TYW1B: variants seen among roughly 807,000 people sequenced by gnomAD.
TYW1B encodes the protein tRNA-yW synthesizing protein 1 homolog B, also known as S-adenosyl-L-methionine-dependent tRNA 4-demethylwyosine synthase TYW1B.
TYW1B carries 73 observed loss-of-function variants against 86.9 expected under a neutral mutation model. The ratio of observed to expected loss-of-function variants is 0.84; its 90% CI spans 0.70 to 1.02. TYW1B has a LOEUF of 1.02. TYW1B is among the 50% of genes least tolerant of loss of function. The pLI is 0.00. For missense variants in TYW1B, 637 were observed against 827.4 expected, an observed-to-expected ratio of 0.77 and a Z score of 2.82; for synonymous variants, 248 against 292.8, an observed-to-expected ratio of 0.85 and a Z score of 1.56.
intron 11 of TYW1B, among the ~76,000 whole-genome samples, chr7:72,644,293 T>C (rs2063499620): frequency 6.6e-6 from 1 of 152,200 alleles, no homozygotes; most frequent in South Asian, 2.1e-4. Flanking sequence ...CTCACACCTA[T>C]AATCCCAACA....
intron 10 of TYW1B, chr7:72,697,975 A>G (rs1814363074): frequency 6.5e-6 from 1 of 154,062 alleles, no homozygotes; most frequent in Admixed American, 6.6e-5. Context: ...ACATATCTGC[A>G]GGAAAAAAAA....
intron 10 of TYW1B, among the ~76,000 whole-genome samples, chr7:72,701,125 C>A (rs1305264620): frequency 1.3e-5 from 2 of 151,868 alleles, no homozygotes; most frequent in African/African-American, 2.4e-5. Context: ...TTTAAAATAG[C>A]CAATGTCAAA....
intron 11 of TYW1B, among the ~76,000 whole-genome samples, chr7:72,690,166 T>TA (rs1346378657): frequency 1.3e-5 from 2 of 152,228 alleles, no homozygotes; most frequent in African/African-American, 4.8e-5. Context: ...AGAAAAGAAT[T>TA]AAATAGTTCA....
intron 8 of TYW1B, among the ~76,000 whole-genome samples, chr7:72,730,321 A>G (rs1460940303): frequency 6.6e-6 from 1 of 151,752 alleles, no homozygotes; most frequent in African/African-American, 2.4e-5. Context: ...ACACATAGAC[A>G]ATTCAATGAA....
At chr7:72,755,504 C>T (rs1161962296) in intron 7 of TYW1B, among the ~76,000 whole-genome samples, 1 of 152,122 alleles carries the variant, frequency 6.6e-6, no homozygotes, top group Non-Finnish European at 1.5e-5. Flanking sequence ...GGTGAAACCC[C>T]ATCTCTATAA....
At chr7:72,769,457 T>C (rs12698443) in intron 7 of TYW1B, among the ~76,000 whole-genome samples, 104,946 of 152,108 alleles carry the variant, frequency 0.69, 37,181 homozygotes, top group Non-Finnish European at 0.77. Flanking sequence ...ACAAAGCTTC[T>C]AGAAGAAAAT....
chr7:72,701,996 T>C (rs1672526546), intron 10 of TYW1B, among the ~76,000 whole-genome samples: 1 of 152,186 alleles, frequency 6.6e-6, no homozygotes, highest in Non-Finnish European at 1.5e-5. Flanking sequence ...CCCACAGCCC[T>C]GATCGTGTGA....
At chr7:72,681,510 C>T (rs1421684087) in intron 11 of TYW1B, among the ~76,000 whole-genome samples, 1 of 150,856 alleles carries the variant, frequency 6.6e-6, no homozygotes, top group Non-Finnish European at 1.5e-5. Flanking sequence ...AAAGATAAGA[C>T]TTGTGAGGCT....
At chr7:72,810,226 T>C (rs1788579869) in intron 4 of TYW1B, among the ~76,000 whole-genome samples, 1 of 152,172 alleles carries the variant, frequency 6.6e-6, no homozygotes, top group African/African-American at 2.4e-5. Flanking sequence ...TGCAGTGAGC[T>C]GAGATGGTGC....
intron 11 of TYW1B, among the ~76,000 whole-genome samples, chr7:72,668,287 G>T (rs1422159671): frequency 2.0e-5 from 3 of 152,142 alleles, no homozygotes; most frequent in African/African-American, 7.2e-5. Flanking sequence ...TTGTTCAACC[G>T]TTTTTAAGTC....
chr7:72,622,613 G>A (rs1585855119), intron 12 of TYW1B, among the ~76,000 whole-genome samples: 1 of 151,602 alleles, frequency 6.6e-6, no homozygotes, highest in African/African-American at 2.4e-5. Context: ...ACGCACACAC[G>A]GACACACACA....
intron 7 of TYW1B, among the ~76,000 whole-genome samples, chr7:72,774,630 T>C (rs1787923509): frequency 6.6e-6 from 1 of 151,970 alleles, no homozygotes; most frequent in Non-Finnish European, 1.5e-5. Flanking sequence ...GGTGAATTAC[T>C]TGAGGCAGGA....
Position 72,826,872 on chromosome 7 carries a change from T to C in TYW1B, c.118A>G (p.Ile40Val). ...VSISLWICVQ[I>V]VIEMQGFATV... ...CCACTTACCTGCATCTCGATGACAA[T>C]CTGGACACAAATCCAAAGGCTAATG... The change falls in exon 2 of 14, where the codon ATT becomes GTT. Residue 40 changes from isoleucine (I) to valine (V), a missense_variant. Ile to Val is a conservative substitution (Grantham distance 29). Coordinates refer to ENST00000620995, the MANE Select transcript of TYW1B (RefSeq NM_001145440.3). 1 of 1,612,786 alleles carries C rather than the reference T, an allele frequency of 6.2e-7. No individual in the cohort carries two copies. The highest frequency in any genetic ancestry group is 1.1e-5 in the South Asian group (1 of 90,724).
chr7:72,608,630 A>G (rs1554435313), intron 13 of TYW1B, among the ~76,000 whole-genome samples: 2 of 152,230 alleles, frequency 1.3e-5, no homozygotes, highest in African/African-American at 4.8e-5. Context: ...TATGTTGCCT[A>G]TAAGAAACTC....
At chr7:72,731,496 T>G (rs533022959) in intron 8 of TYW1B, among the ~76,000 whole-genome samples, 10 of 143,460 alleles carry the variant, frequency 7.0e-5, no homozygotes, top group Admixed American at 1.4e-4. Flanking sequence ...TGAATGTAAA[T>G]GGATTAAAGT....
intron 11 of TYW1B, among the ~76,000 whole-genome samples, chr7:72,650,396 T>G (rs1333540764): frequency 1.3e-4 from 20 of 152,140 alleles, no homozygotes; most frequent in Admixed American, 1.1e-3. Flanking sequence ...CTACTTTATG[T>G]CTGACACATA....
chr7:72,592,160 TAAAAAAAAAAAA>T (rs56146824), intron 13 of TYW1B, among the ~76,000 whole-genome samples: 8 of 103,400 alleles, frequency 7.7e-5, no homozygotes, highest in South Asian at 3.1e-4. Context: ...ACTAATGTGT[TAAAAAAAAAAAA>T]AAAAAAAAAA....
chr7:72,681,591 CTTTTTTTTT>C (rs71069098), intron 11 of TYW1B, among the ~76,000 whole-genome samples: 2 of 111,026 alleles, frequency 1.8e-5, no homozygotes, highest in African/African-American at 6.9e-5. Context: ...ATATTTACTT[CTTTTTTTTT>C]TTTTTTTTTT....
intron 2 of TYW1B, among the ~76,000 whole-genome samples, chr7:72,824,030 G>A (rs1465996972): frequency 6.6e-6 from 1 of 151,874 alleles, no homozygotes; most frequent in Non-Finnish European, 1.5e-5. Context: ...AACATTAAAA[G>A]GACTTTGCTT....
Sources: allele counts gnomAD v4.1 joint callset (sites outside exome capture counted in the v4.1 genomes callset), GRCh38; gene constraint gnomAD v4.1.1; transcripts MANE v1.5; gene names NCBI Gene and HGNC (gene_info 2026-07-23, HGNC 2026-07-21).